The following HGS variants were observed in gnomAD, a reference collection of about 807,000 sequenced individuals.
HGS encodes hepatocyte growth factor-regulated tyrosine kinase substrate.
HGS carries 63 observed loss-of-function variants against 109.7 expected under a neutral mutation model. That is an observed-to-expected ratio of 0.57 (90% CI 0.47 to 0.71). HGS has a LOEUF of 0.71. Among genes scored for constraint, HGS ranks in the 30% least tolerant of loss-of-function variants. HGS has a pLI of 0.00. For missense variants in HGS, 995 were observed against 1,068.3 expected, an observed-to-expected ratio of 0.93 and a Z score of 0.96; for synonymous variants, 546 against 437.3, an observed-to-expected ratio of 1.25 and a Z score of -3.10.
chr17:81,691,319 T>A lies in HGS; in HGVS notation c.538-128T>A. ...CCTTAGGGTCTTCCCAGGCACTTGT[T>A]CTGCTTGTCCCTTGCCTTCCCCCAC... On this transcript the variant is annotated intron_variant, in intron 7 of 21. Coordinates refer to ENST00000329138, the MANE Select transcript of HGS (RefSeq NM_004712.5). This position sits in a 1 kb window ranked among gnomAD's most constrained non-coding sequence, Gnocchi z 5.3. 8.5e-7 allele frequency: 1 copy of A among 1,174,120 alleles called. No homozygotes were observed. The highest frequency in any genetic ancestry group is 1.2e-6 in the Non-Finnish European group (1 of 812,434). 72.7% of individuals were successfully genotyped at this position (1,174,120 alleles called of 1,614,324 possible).
rs952198559 is a variant in HGS at position 81,700,793 on chromosome 17, C to T, written c.2115C>T (p.Gly705=). The T allele has an allele frequency of 2.5e-6, 4 of 1,612,442 alleles. No individual in the cohort carries two copies. In the Admixed American group the frequency reaches 5.0e-5, roughly 20 times the overall value. Residue 705 remains glycine (G), a synonymous_variant, in exon 20 of 22, where the codon GGC becomes GGT. Coordinates refer to ENST00000329138, the MANE Select transcript of HGS (RefSeq NM_004712.5). ...GYMGSQSVSM[G]YQPYNMQNLM... ...TGGGGAGCCAGTCAGTCTCCATGGG[C>T]TACCAGCCTTACAACATGCAGGTAC...
chr17:81,700,651 C>T, intron 19 of HGS, 44 bp from the exon 20 acceptor site: 2 of 1,582,396 alleles, frequency 1.3e-6, no homozygotes, highest in African/African-American at 1.3e-5. Context: ...CAGCCCCAGC[C>T]CCAGCCCCAG....
At chr17:81,688,280 C>A (rs1186170586) in intron 4 of HGS, among the ~76,000 whole-genome samples, 2 of 151,528 alleles carry the variant, frequency 1.3e-5, no homozygotes, top group Admixed American at 6.5e-5. Context: ...AGCGGCTGCC[C>A]CCCGCGTCTC....
chr17:81,684,492 C>G (rs2036939305), intron 1 of HGS: 1 of 201,196 alleles, frequency 5.0e-6, no homozygotes, highest in African/African-American at 2.3e-5. Context: ...GCTTCTGACC[C>G]AAAACACTGG....
At position 81,695,956 on chromosome 17, in the gene HGS, C is replaced by T. The variant is rs201444554; in HGVS notation, c.1350C>T (p.His450=). 1.0e-4 allele frequency: 165 copies of T among 1,577,450 alleles called. 1 individual carries two copies. The East Asian group carries it at 3.1e-3, about 29-fold the overall frequency. ...LSLFQSINGM[H]PQLLELLNQL... ...TCTTCCAGTCCATCAACGGCATGCA[C>T]CCGCAGCTGCTGGAGCTGCTCAACC... is the stretch of plus-strand genomic sequence containing the variant. The change falls in exon 15 of 22, where the codon CAC becomes CAT. Residue 450 remains histidine (H), a synonymous_variant. Coordinates refer to ENST00000329138, the MANE Select transcript of HGS (RefSeq NM_004712.5).
chr17:81,686,494 A>G, intron 3 of HGS, 107 bp downstream of exon 3: 1 of 762,970 alleles, frequency 1.3e-6, no homozygotes, highest in Non-Finnish European at 2.3e-6. Context: ...CCCTGGGCAT[A>G]CATCAAGCAG....
At chr17:81,700,274 C>T (rs72860537) in intron 18 of HGS, among the ~76,000 whole-genome samples, 193 bp from the exon 19 acceptor site, 10,307 of 150,604 alleles carry the variant, frequency 0.068, 425 homozygotes, top group East Asian at 0.22. Context: ...GAGGCTGAGG[C>T]AGGAGAATCG....
At chr17:81,690,817 C>T in intron 7 of HGS, 75 bp downstream of exon 7, 4 of 1,321,094 alleles carry the variant, frequency 3.0e-6, no homozygotes, top group Non-Finnish European at 4.2e-6. Flanking sequence ...GCCACCGTCC[C>T]TGCTGGGCCT....
rs1269623900 is a variant in HGS at position 81,684,099 on chromosome 17, C to T, written c.33C>T (p.Leu11=). 1.3e-6 allele frequency: 2 copies of T among 1,589,240 alleles called. No individual in the cohort carries two copies. Among genetic ancestry groups the T allele is most frequent in the East Asian group, 2.3e-5 (1 of 43,664 alleles). The part of the protein sequence containing the change: MGRGSGTFER[L]LDKATSQLLL... ...GAGGCAGCGGCACCTTCGAGCGTCTCCTAGGTAACGCGTCCCCACCCGACG... is the reference window on the plus strand; with the variant it reads ...GAGGCAGCGGCACCTTCGAGCGTCTTCTAGGTAACGCGTCCCCACCCGACG... The change falls in exon 1 of 22, where the codon CTC becomes CTT. Residue 11 remains leucine (L), a synonymous_variant. Transcript: ENST00000329138.
In HGS at chr17:81,688,814, C is replaced by T. The variant is rs769176696; in HGVS notation, c.402C>T (p.Ile134=). 9 of 1,614,138 alleles carry T rather than the reference C, an allele frequency of 5.6e-6. No individual in the cohort carries two copies. The highest frequency in any genetic ancestry group is 5.9e-6 in the Non-Finnish European group (7 of 1,179,998). The change falls in exon 5 of 22, where the codon ATC becomes ATT. Residue 134 remains isoleucine (I), a synonymous_variant. Coordinates refer to ENST00000329138, the MANE Select transcript of HGS (RefSeq NM_004712.5). ...KYKVVQDTYQ[I]MKVEGHVFPE... The stretch of plus-strand genomic sequence containing the variant: ...AGGTGGTCCAGGACACCTACCAGAT[C>T]ATGAAGGTGGAGGGTGAGTCAGGAC...
Position 81,688,933 on chromosome 17 carries a change from T to A in HGS, c.415+106T>A, listed in dbSNP as rs2037023694. On this transcript the variant is annotated intron_variant, in intron 5 of 21. Coordinates refer to ENST00000329138, the MANE Select transcript of HGS (RefSeq NM_004712.5). ...GCCTGGGAAGATGGGTTGTTCCCTG[T>A]GTTGGGAGGGAGGAGGGCGGTGGCC... 15 of 1,454,230 alleles carry A rather than the reference T, an allele frequency of 1.0e-5. No individual in the cohort carries two copies. In the East Asian group the frequency reaches 3.5e-4, roughly 34 times the overall value. The allele number at this position is 1,454,230 out of a possible 1,614,324, so 90.1% of individuals were successfully genotyped here.
At chr17:81,686,609 T>C (rs1244293896) in intron 3 of HGS, among the ~76,000 whole-genome samples, 1 of 152,224 alleles carries the variant, frequency 6.6e-6, no homozygotes, top group Non-Finnish European at 1.5e-5. Context: ...GCACCACTTC[T>C]TCAGCCGGTC....
intron 17 of HGS, 33 bp downstream of exon 17, chr17:81,696,780 G>C (rs769197869): frequency 6.2e-7 from 1 of 1,602,226 alleles, no homozygotes. Context: ...CCAGAGGCTT[G>C]TGGGCTGAGG....
Position 81,696,470 on chromosome 17 carries a change from G to C in HGS, c.1507G>C (p.Glu503Gln), listed in dbSNP as rs1024169932. The C allele has an allele frequency of 2.6e-6, 4 of 1,534,962 alleles. No homozygotes were observed. The highest frequency in any genetic ancestry group is 3.5e-6 in the Non-Finnish European group (4 of 1,140,712). The change falls in exon 16 of 22, where the codon GAG (glutamate) becomes CAG (glutamine). Residue 503 changes from glutamate (E) to glutamine (Q), a missense_variant. By Grantham distance (29) the Glu-to-Gln change is conservative. Coordinates refer to ENST00000329138, the MANE Select transcript of HGS (RefSeq NM_004712.5). ...GCTTCGCCGGGCAGCCGAGGAGGCAGAGCGCCAGCGCCAGATCCAGCTGGC... is the reference window on the plus strand; with the variant it reads ...GCTTCGCCGGGCAGCCGAGGAGGCACAGCGCCAGCGCCAGATCCAGCTGGC... ...EKLRRAAEEA[E>Q]RQRQIQLAQK...
At chr17:81,688,664 G>A (rs1395107780) in intron 4 of HGS, 40 bp from the exon 5 acceptor site, 8 of 1,610,278 alleles carry the variant, frequency 5.0e-6, no homozygotes, top group South Asian at 1.1e-5. Flanking sequence ...CTGGCGCCTG[G>A]AGTGTCCTGC....
intron 1 of HGS, chr17:81,684,322 G>A: frequency 2.6e-6 from 1 of 382,344 alleles, no homozygotes; most frequent in Non-Finnish European, 4.5e-6. Context: ...GGCTCTGCGA[G>A]GGTCCGCGCA....
chr17:81,695,604 G>A (rs963609632), intron 14 of HGS, 182 bp from the exon 15 acceptor site: 2 of 631,014 alleles, frequency 3.2e-6, no homozygotes, highest in Admixed American at 5.5e-5. Context: ...AGGGCTTGCA[G>A]CTGGACAAGG....
chr17:81,696,599 C>T lies in HGS; in HGVS notation c.1567-8C>T. The stretch of plus-strand genomic sequence containing the variant: ...TCGCAGCATAACCAGCATGTTTTTG[C>T]CGCACAGGAGTACCTGGAGGTGCAG... On this transcript the variant is annotated splice_region_variant and splice_polypyrimidine_tract_variant and intron_variant, in intron 16 of 21. Coordinates refer to ENST00000329138, the MANE Select transcript of HGS (RefSeq NM_004712.5). The T allele has an allele frequency of 6.3e-7, 1 of 1,584,794 alleles. No homozygotes were observed. Among genetic ancestry groups the T allele is most frequent in the Non-Finnish European group, 8.6e-7 (1 of 1,163,254 alleles).
At chr17:81,686,490 G>T (rs1039466184) in intron 3 of HGS, 103 bp downstream of exon 3, 5 of 790,544 alleles carry the variant, frequency 6.3e-6, no homozygotes, top group Non-Finnish European at 8.6e-6. Context: ...ACCTCCCTGG[G>T]CATACATCAA....
Sources: gnomAD v4.1 joint callset for allele counts (sites outside exome capture counted in the v4.1 genomes callset) on GRCh38, gnomAD v4.1.1 for gene constraint, Gnocchi (gnomAD v3.1) non-coding constraint, MANE v1.5 for transcripts, NCBI Gene and HGNC (gene_info 2026-07-23, HGNC 2026-07-21) for gene names.